The following AFF2 variants were observed in gnomAD, a reference collection of about 807,000 sequenced individuals.
AFF2 encodes AF4/FMR2 family member 2.
A neutral mutation model predicts 76.9 loss-of-function variants in AFF2; 14 were observed. The ratio of observed to expected loss-of-function variants is 0.18; its 90% confidence interval spans 0.12 to 0.28. The LOEUF is 0.28. AFF2 is among the 10% of genes least tolerant of loss of function. The pLI is 1.00. For missense variants in AFF2, 868 were observed against 1,001.1 expected (o/e 0.87, Z 1.79); for synonymous variants, 398 against 366.7 (o/e 1.09, Z -0.98).
At position 148,687,266 on chromosome X, in the gene AFF2, G is replaced by A. The variant is rs1021961454; in HGVS notation, c.1041+24498G>A. ...CATTTTCAACTATTAAAACAATCTT[G>A]CCAAGAACTTATTTTTAAACCTGTA... On this transcript the variant is annotated intron_variant, in intron 3 of 20. Transcript: ENST00000370460. Among the ~76,000 whole-genome samples, 7 of 111,774 alleles carry A rather than the reference G, an allele frequency of 6.3e-5. No homozygotes were observed. The Admixed American group carries it at 6.7e-4, about 11-fold the overall frequency.
intron 9 of AFF2, among the ~76,000 whole-genome samples, chrX:148,916,721 C>T (rs888767758): frequency 6.3e-5 from 7 of 111,671 alleles, no homozygotes; most frequent in Admixed American, 9.5e-5. Context: ...AACCTATACA[C>T]GCTCACTCTC....
At chrX:148,800,271 G>A (rs2070039658) in intron 3 of AFF2, among the ~76,000 whole-genome samples, 1 of 111,727 alleles carries the variant, frequency 9.0e-6, no homozygotes, top group East Asian at 2.8e-4. Flanking sequence ...AATCCTAAGT[G>A]CGGAGTATAG....
chrX:148,641,353 C>T (rs1290597867), intron 1 of AFF2, among the ~76,000 whole-genome samples: 2 of 111,716 alleles, frequency 1.8e-5, no homozygotes, highest in Non-Finnish European at 3.8e-5. Context: ...ACATGGGAAG[C>T]AGAAATGCAT....
At chrX:148,739,548 A>G (rs1262064597) in intron 3 of AFF2, among the ~76,000 whole-genome samples, 1 of 111,412 alleles carries the variant, frequency 9.0e-6, no homozygotes, top group Non-Finnish European at 1.9e-5. Context: ...AGTCTCCTGA[A>G]GGCAGCAGAC....
chrX:148,524,221 A>C (rs1352877766), intron 1 of AFF2, among the ~76,000 whole-genome samples: 7 of 108,737 alleles, frequency 6.4e-5, no homozygotes, highest in African/African-American at 2.4e-4. Context: ...AGAAGGGTAA[A>C]AGTAAATATA....
At chrX:148,664,577 C>T (rs1208592650) in intron 3 of AFF2, among the ~76,000 whole-genome samples, 1 of 111,835 alleles carries the variant, frequency 8.9e-6, no homozygotes, top group African/African-American at 3.3e-5. Flanking sequence ...CTGATTGGCA[C>T]CGACTCCATT....
intron 7 of AFF2, among the ~76,000 whole-genome samples, chrX:148,856,149 G>T (rs1296754192): frequency 1.8e-5 from 2 of 111,559 alleles, no homozygotes; most frequent in Admixed American, 1.9e-4. Flanking sequence ...AGAATGGCTA[G>T]AACGTCTTAA....
chrX:148,509,558 A>G (rs1232302855), intron 1 of AFF2, among the ~76,000 whole-genome samples: 1 of 112,172 alleles, frequency 8.9e-6, no homozygotes, highest in Non-Finnish European at 1.9e-5. Context: ...GAAATACCAA[A>G]TGAAAATGTG....
In AFF2 at chrX:148,581,499, CAT is replaced by C. The variant is rs1170134816; in HGVS notation, c.48-70494_48-70493del. Among the ~76,000 whole-genome samples, 8 of 97,955 alleles carry C rather than the reference CAT, an allele frequency of 8.2e-5. 1 individual carries two copies. Among genetic ancestry groups the C allele is most frequent in the African/African-American group, 2.7e-4 (7 of 26,129 alleles). The allele number at this position is 97,955 out of a possible 115,157, so 85.1% of individuals were successfully genotyped here. A position where few individuals can be genotyped will look rare whatever the true frequency, so the allele number is the denominator to read the frequency against. On this transcript the variant is annotated intron_variant, in intron 1 of 20. Transcript: ENST00000370460. ...ATACGTATACGTCTACGTGTACACA[CAT>C]ATATACGTATACGTCTACGTGTACA... is the stretch of plus-strand genomic sequence containing the variant.
chrX:148,651,216 ATCC>A (rs2054199587), intron 1 of AFF2, among the ~76,000 whole-genome samples: 1 of 112,445 alleles, frequency 8.9e-6, no homozygotes, highest in African/African-American at 3.2e-5. Flanking sequence ...GAAGCTTTTG[ATCC>A]TCCAATGGGA....
At chrX:148,920,209 A>G (rs1557283041) in intron 9 of AFF2, among the ~76,000 whole-genome samples, 1 of 111,547 alleles carries the variant, frequency 9.0e-6, no homozygotes, top group African/African-American at 3.3e-5. Flanking sequence ...CAGGCTTTTT[A>G]GTGGTATAGA....
chrX:148,956,761 T>C, intron 11 of AFF2, 148 bp downstream of exon 11: 1 of 524,081 alleles, frequency 1.9e-6, no homozygotes, highest in Non-Finnish European at 3.0e-6. Flanking sequence ...GGAAATGCAG[T>C]ATTTGACATG....
At chrX:148,929,717 G>A (rs2071690973) in intron 9 of AFF2, among the ~76,000 whole-genome samples, 1 of 111,923 alleles carries the variant, frequency 8.9e-6, no homozygotes, top group Admixed American at 9.5e-5. Flanking sequence ...GAACCCAGTA[G>A]GTATTATCCC....
chrX:148,694,535 G>A (rs1427255753), intron 3 of AFF2, among the ~76,000 whole-genome samples: 2 of 111,262 alleles, frequency 1.8e-5, no homozygotes, highest in Non-Finnish European at 3.8e-5. Flanking sequence ...GCTACAATAA[G>A]TAAATTTTTT....
At chrX:148,751,809 T>C (rs2055502997) in intron 3 of AFF2, among the ~76,000 whole-genome samples, 1 of 112,195 alleles carries the variant, frequency 8.9e-6, no homozygotes, top group African/African-American at 3.2e-5. Context: ...ATTTGTTCAC[T>C]CTCCGTGCAT....
At chrX:148,645,591 C>A (rs2054136322) in intron 1 of AFF2, among the ~76,000 whole-genome samples, 1 of 112,204 alleles carries the variant, frequency 8.9e-6, no homozygotes, top group Non-Finnish European at 1.9e-5. Flanking sequence ...ATTAAATTAT[C>A]TTTGCAGCTT....
intron 3 of AFF2, among the ~76,000 whole-genome samples, chrX:148,717,440 C>G: frequency 8.9e-6 from 1 of 112,086 alleles, no homozygotes; most frequent in Middle Eastern, 4.6e-3. Context: ...TGTAGAGTCT[C>G]TCCTTTTCGG....
intron 1 of AFF2, among the ~76,000 whole-genome samples, chrX:148,618,456 T>TATC (rs1411388834): frequency 9.0e-6 from 1 of 111,271 alleles, no homozygotes; most frequent in African/African-American, 3.3e-5. Flanking sequence ...ACTCACTCAC[T>TATC]ATCACAAGAA....
At chrX:148,690,608 A>G (rs1053589165) in intron 3 of AFF2, among the ~76,000 whole-genome samples, 1 of 112,172 alleles carries the variant, frequency 8.9e-6, no homozygotes, top group Non-Finnish European at 1.9e-5. Flanking sequence ...CCATCTCACC[A>G]TTTAGAGGCA....
Sources: gnomAD v4.1 joint callset for allele counts (sites outside exome capture counted in the v4.1 genomes callset) on GRCh38, gnomAD v4.1.1 for gene constraint, MANE v1.5 for transcripts, NCBI Gene and HGNC (gene_info 2026-07-23, HGNC 2026-07-21) for gene names.